PUS1: variants seen among roughly 807,000 people sequenced by gnomAD.
The protein encoded by PUS1 is pseudouridine synthase 1.
Under a neutral mutation model 38.5 loss-of-function variants are expected in PUS1, and 25 were observed. That is an observed-to-expected ratio of 0.65 (90% CI 0.47 to 0.91). The LOEUF (loss-of-function observed/expected upper bound fraction) is 0.91, where lower values mean the gene tolerates loss of function less well. PUS1 is among the 40% of genes least tolerant of loss of function. PUS1 has a pLI of 0.00. For synonymous variants in PUS1, 282 were observed against 260.4 expected (o/e 1.08, Z -0.80); for missense variants, 597 against 612.3 (o/e 0.97, Z 0.26).
At chr12:131,940,937 C>T (rs1206087885) in intron 4 of PUS1, 2 of 273,944 alleles carry the variant, frequency 7.3e-6, no homozygotes, top group East Asian at 7.4e-5. Flanking sequence ...GTGATATTTC[C>T]AGTCATGTAT....
chr12:131,937,226 A>G (rs1052590519), intron 3 of PUS1, among the ~76,000 whole-genome samples: 3 of 152,266 alleles, frequency 2.0e-5, no homozygotes, highest in South Asian at 2.1e-4. Context: ...TCATACCTTC[A>G]TAAAAGTCTT....
Position 131,943,968 on chromosome 12 carries a change from G to GC in PUS1, c.*385dup, listed in dbSNP as rs1435101064. 3.6e-6 allele frequency: 1 copy of GC among 280,960 alleles called. No homozygotes were observed. Among genetic ancestry groups the GC allele is most frequent in the Non-Finnish European group, 7.0e-6 (1 of 142,712 alleles). The allele number at this position is 280,960 out of a possible 1,614,324, so 17.4% of individuals were successfully genotyped here. A position where few individuals can be genotyped will look rare whatever the true frequency, so the allele number is the denominator to read the frequency against. ...AGATACGGCTGAACAAAAGAGAAAG[G>GC]CCCAGGAGGTTGGCTCAGCCTGTAA... On this transcript the variant is annotated 3_prime_UTR_variant, in exon 6 of 6. Transcript: ENST00000376649.
Position 131,941,347 on chromosome 12 carries a change from C to T in PUS1, c.600C>T (p.Thr200=), listed in dbSNP as rs1176113198. ...FNSKNRCDAR[T]YCYLLPTFAF... ...CCAAGAACAGATGTGATGCCAGGAC[C>T]TATTGCTACCTGCTGCCCACGTTTG... The change falls in exon 5 of 6, where the codon ACC becomes ACT. Residue 200 remains threonine, a synonymous_variant. Coordinates refer to ENST00000376649, the MANE Select transcript of PUS1 (RefSeq NM_025215.6). The surrounding 1 kb of genome is among the most constrained non-coding windows in gnomAD (Gnocchi z 4.4). 12 of 1,614,218 alleles carry T rather than the reference C, an allele frequency of 7.4e-6. No homozygotes were observed. The highest frequency in any genetic ancestry group is 1.0e-5 in the Non-Finnish European group (12 of 1,180,046).
chr12:131,938,107 G>C (rs2136439481), intron 3 of PUS1, among the ~76,000 whole-genome samples: 1 of 152,162 alleles, frequency 6.6e-6, no homozygotes, highest in South Asian at 2.1e-4. Flanking sequence ...AGGATCATTA[G>C]TGGCATTCAG....
chr12:131,935,620 A>C (rs970428453), intron 3 of PUS1, among the ~76,000 whole-genome samples: 1 of 151,518 alleles, frequency 6.6e-6, no homozygotes, highest in Non-Finnish European at 1.5e-5. Flanking sequence ...CCGCAACCTC[A>C]CCTCCTGGGT....
Position 131,930,044 on chromosome 12 carries a change from G to A in PUS1, c.212G>A (p.Ser71Asn), listed in dbSNP as rs760487019. Residue 71 changes from serine (S) to asparagine (N), a missense_variant, in exon 2 of 6, where the codon AGC (serine) becomes AAC (asparagine). Ser to Asn is a conservative substitution (Grantham distance 46, BLOSUM62 1). Transcript: ENST00000376649. ...DGEHPAKKLK[S>N]GGDEERREKP... ...GAACATCCGGCGAAGAAGCTCAAGAGCGGTGGCGACGAGGAGCGGCGCGAG... is the reference window on the plus strand; with the variant it reads ...GAACATCCGGCGAAGAAGCTCAAGAACGGTGGCGACGAGGAGCGGCGCGAG... 6.9e-7 allele frequency: 1 copy of A among 1,453,698 alleles called. No individual in the cohort carries two copies. Among genetic ancestry groups the A allele is most frequent in the South Asian group, 1.5e-5 (1 of 67,272 alleles). 90.0% of individuals were successfully genotyped at this position (1,453,698 alleles called of 1,614,324 possible).
Position 131,934,229 on chromosome 12 carries a change from C to T in PUS1, c.441+1917C>T, listed in dbSNP as rs115935443. On this transcript the variant is annotated intron_variant, in intron 3 of 5. Coordinates refer to ENST00000376649, the MANE Select transcript of PUS1 (RefSeq NM_025215.6). ...CACCACAGGGAGCTGTTTAAGCCCG[C>T]TGATGACTGCGGGCAGGCCTGGGTA... 1.7e-3 allele frequency among the ~76,000 whole-genome samples: 258 copies of T among 152,370 alleles called. 1 individual carries two copies. Among genetic ancestry groups the T allele is most frequent in the African/African-American group, 5.9e-3 (246 of 41,588 alleles).
chr12:131,937,984 T>C lies in PUS1; in HGVS notation c.442-1189T>C, dbSNP rs927298696. Among the ~76,000 whole-genome samples the C allele has an allele frequency of 2.6e-5, 4 of 152,198 alleles. No individual in the cohort carries two copies. The East Asian group carries it at 7.7e-4, about 29-fold the overall frequency. ...ACTCTATCAACCTGATAGAGTACCA[T>C]CATCTAACATGTCCAAAGTAGGAAA... is the stretch of plus-strand genomic sequence containing the variant. On this transcript the variant is annotated intron_variant, in intron 3 of 5. Transcript: ENST00000376649.
intron 1 of PUS1, 43 bp downstream of exon 1, chr12:131,929,839 C>T: frequency 1.4e-6 from 2 of 1,476,648 alleles, no homozygotes; most frequent in East Asian, 5.2e-5. Flanking sequence ...GCCCGCCCAG[C>T]CCAGCCCACC....
In PUS1 at chr12:131,943,861, C is replaced by G. The variant is rs1420888110; in HGVS notation, c.*275C>G. Reference sequence around the variant, plus strand: ...CAAGTACAAATTTTGCTTAGTCAATCCTTGGTTTGCCTTTTTCTTAGTCTT... The same window carrying G: ...CAAGTACAAATTTTGCTTAGTCAATGCTTGGTTTGCCTTTTTCTTAGTCTT... On this transcript the variant is annotated 3_prime_UTR_variant, in exon 6 of 6. Coordinates refer to ENST00000376649, the MANE Select transcript of PUS1 (RefSeq NM_025215.6). 3 of 437,586 alleles carry G rather than the reference C, an allele frequency of 6.9e-6. No homozygotes were observed. Among genetic ancestry groups the G allele is most frequent in the Non-Finnish European group, 8.5e-6 (2 of 235,092 alleles). 27.1% of individuals were successfully genotyped at this position (437,586 alleles called of 1,614,324 possible). A position where few individuals can be genotyped will look rare whatever the true frequency, so the allele number is the denominator to read the frequency against.
chr12:131,934,874 G>A (rs1431180751), intron 3 of PUS1: 1 of 152,232 alleles, frequency 6.6e-6, no homozygotes, highest in Non-Finnish European at 1.5e-5. Flanking sequence ...ATAACTTTTT[G>A]CCGGTCAGGA....
chr12:131,935,574 GC>G (rs1442648028), intron 3 of PUS1, among the ~76,000 whole-genome samples: 4 of 151,992 alleles, frequency 2.6e-5, no homozygotes. Flanking sequence ...CACTCTTGTT[GC>G]CCAGGCTGGA....
chr12:131,943,743 C>T lies in PUS1; in HGVS notation c.*157C>T. ...TCAGGACCTTCCCTTGTAGGAACAG[C>T]CTTTCTCGAATCTGTTTTCAGCTCT... On this transcript the variant is annotated 3_prime_UTR_variant, in exon 6 of 6. Coordinates refer to ENST00000376649, the MANE Select transcript of PUS1 (RefSeq NM_025215.6). 2 of 670,864 alleles carry T rather than the reference C, an allele frequency of 3.0e-6. No individual in the cohort carries two copies. The highest frequency in any genetic ancestry group is 3.0e-5 in the South Asian group (2 of 65,812). The allele number at this position is 670,864 out of a possible 1,614,324, so 41.6% of individuals were successfully genotyped here.
intron 3 of PUS1, among the ~76,000 whole-genome samples, chr12:131,934,036 G>A (rs182623642): frequency 8.1e-4 from 124 of 152,292 alleles, no homozygotes; most frequent in Admixed American, 1.9e-3. Context: ...TAGGTGAGGC[G>A]GAGAGGAAGG....
At chr12:131,943,436 G>A (rs1355582209) in intron 5 of PUS1, 103 bp from the exon 6 acceptor site, 2 of 912,074 alleles carry the variant, frequency 2.2e-6, no homozygotes, top group East Asian at 4.8e-5. Context: ...GGGAGTGGTG[G>A]GGGCAAGGCT....
chr12:131,938,717 T>C (rs1317558913), intron 3 of PUS1, among the ~76,000 whole-genome samples: 1 of 290 alleles, frequency 3.4e-3, no homozygotes, highest in Non-Finnish European at 0.17. Context: ...TTTTCATATC[T>C]TTTTTTTTTT....
At chr12:131,935,435 G>C (rs995540216) in intron 3 of PUS1, among the ~76,000 whole-genome samples, 6 of 152,190 alleles carry the variant, frequency 3.9e-5, no homozygotes, top group Non-Finnish European at 7.3e-5. Context: ...CTTGTATGGG[G>C]AAACCTGCAG....
intron 2 of PUS1, among the ~76,000 whole-genome samples, chr12:131,931,261 C>T (rs545151278): frequency 2.6e-5 from 4 of 152,144 alleles, no homozygotes; most frequent in African/African-American, 9.6e-5. Flanking sequence ...CGGGTTCCAC[C>T]GATTCTTGTG....
chr12:131,938,151 A>G (rs1194988483), intron 3 of PUS1, among the ~76,000 whole-genome samples: 1 of 151,992 alleles, frequency 6.6e-6, no homozygotes, highest in Non-Finnish European at 1.5e-5. Flanking sequence ...TTAATCGAAA[A>G]CGATCTCCTT....
Sources: gnomAD v4.1 joint callset for allele counts (sites outside exome capture counted in the v4.1 genomes callset) on GRCh38, gnomAD v4.1.1 for gene constraint, Gnocchi (gnomAD v3.1) non-coding constraint, MANE v1.5 for transcripts, NCBI Gene and HGNC (gene_info 2026-07-23, HGNC 2026-07-21) for gene names.